The following DNAJC2 variants were observed in gnomAD, a reference collection of about 807,000 sequenced individuals.
DNAJC2 encodes the protein DnaJ heat shock protein family (Hsp40) member C2.
In DNAJC2, 32 loss-of-function variants were observed where a neutral mutation model predicts 94.0. That is an observed-to-expected ratio of 0.34 (90% CI 0.26 to 0.46). The LOEUF is 0.46. DNAJC2 is among the 20% of genes least tolerant of loss of function. The pLI is 1.00. For missense variants in DNAJC2, 550 were observed against 719.5 expected (o/e 0.76, Z 2.69); for synonymous variants, 210 against 229.7 (o/e 0.91, Z 0.77).
rs1014219713 is a variant in DNAJC2 at position 103,322,134 on chromosome 7, T to C, written c.934-53A>G. On this transcript the variant is annotated intron_variant, in intron 9 of 16. Coordinates refer to ENST00000379263, the MANE Select transcript of DNAJC2 (RefSeq NM_014377.3). Reference sequence around the variant, plus strand: ...TAATAGGTACAGTAAAATTCCTAAATGTTTTATAATTTTAAAAATTTAAAC... The same window carrying C: ...TAATAGGTACAGTAAAATTCCTAAACGTTTTATAATTTTAAAAATTTAAAC... 3 of 1,320,240 alleles carry C rather than the reference T, an allele frequency of 2.3e-6. No homozygotes were observed. The Admixed American group carries it at 7.8e-5, about 34-fold the overall frequency. The allele number at this position is 1,320,240 out of a possible 1,614,324, so 81.8% of individuals were successfully genotyped here.
chr7:103,312,924 C>T, intron 16 of DNAJC2, 23 bp downstream of exon 16: 1 of 1,596,570 alleles, frequency 6.3e-7, no homozygotes, highest in Admixed American at 1.8e-5. Context: ...ATACAACAAT[C>T]TATAAACGCT....
chr7:103,337,925 A>C (rs1037124332), intron 2 of DNAJC2, 114 bp from the exon 3 acceptor site: 1 of 729,190 alleles, frequency 1.4e-6, no homozygotes, highest in African/African-American at 1.8e-5. Flanking sequence ...TCAGGAGTCC[A>C]GTAAGAGGTT....
At chr7:103,316,578 A>G in intron 13 of DNAJC2, 1 of 441,762 alleles carries the variant, frequency 2.3e-6, no homozygotes. Context: ...AGCCAACATA[A>G]ATCAAGACTT....
At chr7:103,341,070 C>T (rs1819356152) in intron 2 of DNAJC2, among the ~76,000 whole-genome samples, 1 of 152,144 alleles carries the variant, frequency 6.6e-6, no homozygotes, top group South Asian at 2.1e-4. Context: ...CCTGTTAATG[C>T]TACCTCCAAA....
intron 15 of DNAJC2, 89 bp from the exon 16 acceptor site, chr7:103,313,190 T>C (rs1370760966): frequency 5.4e-6 from 8 of 1,476,672 alleles, no homozygotes; most frequent in Non-Finnish European, 7.1e-6. Context: ...TAAGTGCCCA[T>C]TTCAATCTGG....
At chr7:103,327,523 T>G in intron 4 of DNAJC2, 133 bp downstream of exon 4, 1 of 718,008 alleles carries the variant, frequency 1.4e-6, no homozygotes, top group South Asian at 1.9e-5. Flanking sequence ...TAGAAAGAAC[T>G]TGATATAACT....
At chr7:103,344,023 C>CT (rs1819496022) in intron 1 of DNAJC2, among the ~76,000 whole-genome samples, 1 of 152,248 alleles carries the variant, frequency 6.6e-6, no homozygotes, top group South Asian at 2.1e-4. Context: ...ACAAGTTTCA[C>CT]TTGTAATAAC....
Position 103,321,956 on chromosome 7 carries a change from C to T in DNAJC2, c.1059G>A (p.Arg353=). Residue 353 remains arginine, a synonymous_variant, in exon 10 of 17, where the codon AGG becomes AGA. Transcript: ENST00000379263. The part of the protein sequence containing the change: ...DIQKKAIKKE[R]QKLRNSCKTW... ...CCTTGCATGAGTTTCGAAGTTTTTG[C>T]CTTTCCTTCTTAATGGCTTTTTTCT... The T allele has an allele frequency of 6.2e-7, 1 of 1,613,074 alleles. No homozygotes were observed. Among genetic ancestry groups the T allele is most frequent in the South Asian group, 1.1e-5 (1 of 90,986 alleles).
At chr7:103,325,412 T>C (rs1211261742) in intron 5 of DNAJC2, among the ~76,000 whole-genome samples, 1 of 149,722 alleles carries the variant, frequency 6.7e-6, no homozygotes, top group East Asian at 2.0e-4. Context: ...ACTCCAGCCT[T>C]GGCAAGAGAG....
At chr7:103,344,387 C>G in intron 1 of DNAJC2, 172 bp downstream of exon 1, 1 of 664,798 alleles carries the variant, frequency 1.5e-6, no homozygotes, top group Non-Finnish European at 2.6e-6. Context: ...TCCTTCTAAT[C>G]TAGGGTAGGA....
At chr7:103,313,228 A>T in intron 15 of DNAJC2, 127 bp from the exon 16 acceptor site, 1 of 1,444,128 alleles carries the variant, frequency 6.9e-7, no homozygotes, top group South Asian at 1.5e-5. Flanking sequence ...ATAAACTTGT[A>T]GAGATGAGAG....
rs1305053043 is a variant in DNAJC2, at chr7:103,322,642, G to T, written c.812-10C>A. On this transcript the variant is annotated splice_polypyrimidine_tract_variant and intron_variant, in intron 8 of 16. Transcript: ENST00000379263. Reference sequence around the variant, plus strand: ...CAGCTGTATGCATTGTCTAGCAAAAGAAAAAGTTAATCTCATTTTGAATTT... The same window carrying T: ...CAGCTGTATGCATTGTCTAGCAAAATAAAAAGTTAATCTCATTTTGAATTT... 1 of 1,612,894 alleles carries T rather than the reference G, an allele frequency of 6.2e-7. No individual in the cohort carries two copies.
intron 15 of DNAJC2, chr7:103,313,340 C>G (rs1380187137): frequency 8.3e-7 from 1 of 1,202,080 alleles, no homozygotes; most frequent in African/African-American, 1.6e-5. Context: ...TAGTAAAGAT[C>G]TACCTTGTAC....
intron 12 of DNAJC2, among the ~76,000 whole-genome samples, chr7:103,318,162 TTTTTTTTTGTCTG>T (rs1303315465): frequency 6.7e-6 from 1 of 150,244 alleles, no homozygotes. Flanking sequence ...CCCATAACAT[TTTTTTTTTGTCTG>T]TTTTTTTTGA....
At position 103,312,590 on chromosome 7, in the gene DNAJC2, A is replaced by C. The variant is rs760598943; in HGVS notation, c.1845T>G (p.Asn615Lys). 2 of 1,613,444 alleles carry C rather than the reference A, an allele frequency of 1.2e-6. No individual in the cohort carries two copies. Among genetic ancestry groups the C allele is most frequent in the Admixed American group, 3.3e-5 (2 of 59,904 alleles). ...ATTGTCATTTCTTGGCTCTACTTGC[A>C]TTCAGCACTTGTTCTTGAGCAGCTT... ...AKKAAQEQVL[N>K]ASRAKK Residue 615 changes from asparagine to lysine, a missense_variant, in exon 17 of 17, where the codon AAT becomes AAG. Asn to Lys is a moderately conservative substitution (Grantham distance 94, BLOSUM62 0). Coordinates refer to ENST00000379263, the MANE Select transcript of DNAJC2 (RefSeq NM_014377.3).
intron 6 of DNAJC2, 24 bp from the exon 7 acceptor site, chr7:103,323,687 T>G: frequency 7.3e-7 from 1 of 1,365,228 alleles, no homozygotes. Flanking sequence ...AAATAATACA[T>G]GATCAAGACA....
chr7:103,324,755 G>A (rs1249335420), intron 5 of DNAJC2, 193 bp from the exon 6 acceptor site: 24 of 397,772 alleles, frequency 6.0e-5, no homozygotes, highest in Non-Finnish European at 6.8e-5. Context: ...TGCGAAAAGT[G>A]AGGCCAAAGA....
Position 103,338,981 on chromosome 7 carries a change from T to C in DNAJC2, c.256-1170A>G, listed in dbSNP as rs558263241. ...GACTATTATACAGCCTCCTTGATGA[T>C]TTGTATGCACAAAGGCCTAAGAAAG... is the stretch of plus-strand genomic sequence containing the variant. On this transcript the variant is annotated intron_variant, in intron 2 of 16. Coordinates refer to ENST00000379263, the MANE Select transcript of DNAJC2 (RefSeq NM_014377.3). Among the ~76,000 whole-genome samples, 19 of 152,234 alleles carry C rather than the reference T, an allele frequency of 1.2e-4. 1 individual carries two copies. The South Asian group carries it at 3.3e-3, about 27-fold the overall frequency.
chr7:103,339,339 A>G (rs1819293075), intron 2 of DNAJC2, among the ~76,000 whole-genome samples: 1 of 152,164 alleles, frequency 6.6e-6, no homozygotes, highest in African/African-American at 2.4e-5. Context: ...GATACAATCT[A>G]CTTCTTTCTA....
Sources: allele counts gnomAD v4.1 joint callset (sites outside exome capture counted in the v4.1 genomes callset), GRCh38; gene constraint gnomAD v4.1.1; transcripts MANE v1.5; gene names NCBI Gene and HGNC (gene_info 2026-07-23, HGNC 2026-07-21).